DIAPH2: variants seen among roughly 807,000 people sequenced by gnomAD.
DIAPH2 encodes protein diaphanous homolog 2.
In DIAPH2, 35 loss-of-function variants were observed where a neutral mutation model predicts 92.7. The observed-to-expected ratio is 0.38, with a 90% CI of 0.29 to 0.50. DIAPH2 has a LOEUF of 0.50. DIAPH2 is among the 20% of genes least tolerant of loss of function. DIAPH2 has a pLI of 0.94. For synonymous variants in DIAPH2, 301 were observed against 280.4 expected (o/e 1.07, Z -0.73); for missense variants, 701 against 819.5 (o/e 0.86, Z 1.77).
At chrX:97,182,697 G>A (rs1456445225) in intron 22 of DIAPH2, among the ~76,000 whole-genome samples, 1 of 111,720 alleles carries the variant, frequency 9.0e-6, no homozygotes, top group African/African-American at 3.3e-5. Flanking sequence ...ATAACTTGCT[G>A]AATAGGGATG....
At chrX:97,485,029 A>C (rs924482161) in intron 26 of DIAPH2, among the ~76,000 whole-genome samples, 2 of 112,470 alleles carry the variant, frequency 1.8e-5, no homozygotes, top group Non-Finnish European at 3.8e-5. Flanking sequence ...CTCTATGTAA[A>C]TAACTAGATA....
chrX:97,172,952 G>A (rs1436457327), intron 22 of DIAPH2, among the ~76,000 whole-genome samples: 2 of 111,940 alleles, frequency 1.8e-5, no homozygotes, highest in Non-Finnish European at 3.8e-5. Context: ...CTATGTCCAC[G>A]ACTTTGAAAT....
chrX:97,491,802 A>G (rs2070727409), intron 26 of DIAPH2, among the ~76,000 whole-genome samples: 1 of 111,463 alleles, frequency 9.0e-6, no homozygotes, highest in South Asian at 3.7e-4. Context: ...CTCTCTTGCT[A>G]TCTTCTTTTG....
In DIAPH2 at chrX:97,275,301, C is replaced by T. The variant is rs1261586431; in HGVS notation, c.2844+27462C>T. On this transcript the variant is annotated intron_variant, in intron 23 of 26. Coordinates refer to ENST00000324765, the MANE Select transcript of DIAPH2 (RefSeq NM_006729.5). ...CCCCCAACCTCCCTCCCGGGAGGGG[C>T]GGCTGGCCCGGCGGGGGCTGTCCCC... 1.1e-3 allele frequency among the ~76,000 whole-genome samples: 63 copies of T among 58,831 alleles called. No homozygotes were observed. In the East Asian group the frequency reaches 0.036, roughly 34 times the overall value. The allele number at this position is 58,831 out of a possible 115,157, so 51.1% of individuals were successfully genotyped here.
chrX:96,852,535 G>A (rs2065012645), intron 4 of DIAPH2, among the ~76,000 whole-genome samples: 1 of 111,678 alleles, frequency 9.0e-6, no homozygotes, highest in Admixed American at 9.6e-5. Flanking sequence ...TACAAAGAGA[G>A]CACTCTCTGT....
At chrX:96,703,760 A>AT (rs1331234570) in intron 1 of DIAPH2, among the ~76,000 whole-genome samples, 6 of 111,434 alleles carry the variant, frequency 5.4e-5, no homozygotes, top group Non-Finnish European at 1.1e-4. Context: ...GTTATCATGA[A>AT]TTTTTTTTCC....
At chrX:97,031,044 C>A (rs1195887882) in intron 17 of DIAPH2, among the ~76,000 whole-genome samples, 1 of 111,373 alleles carries the variant, frequency 9.0e-6, no homozygotes, top group Non-Finnish European at 1.9e-5. Context: ...AATATCTGTC[C>A]AGCTCATTAG....
At chrX:97,054,475 G>T (rs1324930094) in intron 17 of DIAPH2, among the ~76,000 whole-genome samples, 1 of 111,661 alleles carries the variant, frequency 9.0e-6, no homozygotes, top group Non-Finnish European at 1.9e-5. Context: ...AAACTCTGTA[G>T]AGGCCCAGAG....
In DIAPH2 at chrX:97,429,704, C is replaced by T; in HGVS notation, c.3200C>T (p.Ala1067Val). The change falls in exon 26 of 27, where the codon GCA (alanine) becomes GTA (valine). Residue 1067 changes from alanine to valine, a missense_variant. Transcript: ENST00000324765. ...DNLLEALQSG[A>V]AFRDRRKRIP... is the part of the protein sequence containing the mutation. ...CTTCTAGAAGCCCTACAATCAGGTG[C>T]AGCATTCAGAGACCGTCGAAAGCGG... 8.3e-7 allele frequency: 1 copy of T among 1,209,654 alleles called. No individual in the cohort carries two copies. The highest frequency in any genetic ancestry group is 1.1e-6 in the Non-Finnish European group (1 of 894,874).
chrX:96,889,534 A>G (rs1168275956), intron 5 of DIAPH2, among the ~76,000 whole-genome samples: 1 of 112,223 alleles, frequency 8.9e-6, no homozygotes, highest in Non-Finnish European at 1.9e-5. Context: ...ATAGCACTTA[A>G]TATTATGTGG....
chrX:97,092,851 A>G (rs1423575857), intron 19 of DIAPH2, among the ~76,000 whole-genome samples: 1 of 110,919 alleles, frequency 9.0e-6, no homozygotes, highest in Non-Finnish European at 1.9e-5. Context: ...TATAGCGTTA[A>G]CAGGGTATCA....
intron 4 of DIAPH2, among the ~76,000 whole-genome samples, chrX:96,820,617 C>G (rs2064771380): frequency 8.9e-6 from 1 of 112,237 alleles, no homozygotes; most frequent in African/African-American, 3.2e-5. Flanking sequence ...GTTTTCAAAA[C>G]AAAAATGCAA....
intron 17 of DIAPH2, among the ~76,000 whole-genome samples, chrX:97,017,978 G>A (rs893293732): frequency 8.9e-6 from 1 of 112,337 alleles, no homozygotes; most frequent in Non-Finnish European, 1.9e-5. Context: ...TAGTTGCCTA[G>A]GTGAGCAAGG....
chrX:97,414,522 C>A (rs898324893), intron 25 of DIAPH2, among the ~76,000 whole-genome samples: 4 of 109,056 alleles, frequency 3.7e-5, no homozygotes, highest in Non-Finnish European at 5.7e-5. Flanking sequence ...TGGTGGTGGG[C>A]GCCTGTAGTC....
chrX:97,015,382 T>C (rs904199046), intron 17 of DIAPH2, among the ~76,000 whole-genome samples: 1 of 111,738 alleles, frequency 8.9e-6, no homozygotes, highest in African/African-American at 3.2e-5. Flanking sequence ...AAGGTCTTGT[T>C]TTGATTTTCA....
At chrX:97,338,612 A>G (rs914939970) in intron 23 of DIAPH2, among the ~76,000 whole-genome samples, 2 of 112,215 alleles carry the variant, frequency 1.8e-5, no homozygotes, top group Non-Finnish European at 3.8e-5. Context: ...TGATTTTTCC[A>G]TGTTCTTCAA....
intron 22 of DIAPH2, among the ~76,000 whole-genome samples, chrX:97,205,421 C>T (rs1303240003): frequency 9.0e-6 from 1 of 111,228 alleles, no homozygotes; most frequent in African/African-American, 3.3e-5. Flanking sequence ...TTGCATTCTA[C>T]CCATCTGACA....
At chrX:96,865,933 A>G (rs905826564) in intron 4 of DIAPH2, among the ~76,000 whole-genome samples, 2 of 112,025 alleles carry the variant, frequency 1.8e-5, no homozygotes, top group African/African-American at 6.5e-5. Flanking sequence ...TTAAATCCTC[A>G]AAACAATTCT....
At position 96,961,985 on chromosome X, in the gene DIAPH2, G is replaced by A. The variant is rs72614313; in HGVS notation, c.1936-3108G>A. On this transcript the variant is annotated intron_variant, in intron 16 of 26. Transcript: ENST00000324765. ...TGTTTCTTATGCTGATGGGAAGAGT[G>A]TTTATTCTGCAGCTGTTGGATAAAA... Among the ~76,000 whole-genome samples the A allele has an allele frequency of 1.8e-4, 20 of 108,887 alleles. No individual in the cohort carries two copies. The East Asian group carries it at 3.5e-3, about 19-fold the overall frequency. 94.6% of individuals were successfully genotyped at this position (108,887 alleles called of 115,157 possible).
Sources: gnomAD v4.1 joint callset for allele counts (sites outside exome capture counted in the v4.1 genomes callset) on GRCh38, gnomAD v4.1.1 for gene constraint, MANE v1.5 for transcripts, NCBI Gene and HGNC (gene_info 2026-07-23, HGNC 2026-07-21) for gene names.